The following POMP variants were observed in gnomAD, a reference collection of about 807,000 sequenced individuals.
POMP encodes proteasome maturation protein.
Under a neutral mutation model 20.6 loss-of-function variants are expected in POMP, and 12 were observed. That is an observed-to-expected ratio of 0.58 (90% CI 0.37 to 0.94). The LOEUF (loss-of-function observed/expected upper bound fraction) is 0.94, where lower values mean the gene tolerates loss of function less well. POMP is among the 40% of genes least tolerant of loss of function. POMP has a pLI of 0.01. For synonymous variants in POMP, 53 were observed against 55.0 expected, an observed-to-expected ratio of 0.96 and a Z score of 0.16; for missense variants, 136 against 161.1, an observed-to-expected ratio of 0.84 and a Z score of 0.84.
At chr13:28,666,424 T>C (rs1006890199) in intron 3 of POMP, among the ~76,000 whole-genome samples, 2 of 152,240 alleles carry the variant, frequency 1.3e-5, no homozygotes, top group African/African-American at 2.4e-5. Flanking sequence ...GCAATACATA[T>C]TAAGAGAAAC....
intron 4 of POMP, among the ~76,000 whole-genome samples, chr13:28,671,609 T>C (rs1344743923): frequency 2.6e-5 from 4 of 152,134 alleles, no homozygotes; most frequent in African/African-American, 9.7e-5. Flanking sequence ...GTTCCTATTT[T>C]TGTTTCTTCC....
In POMP at chr13:28,664,544, A is replaced by G; in HGVS notation, c.137A>G (p.His46Arg). The G allele has an allele frequency of 6.3e-7, 1 of 1,575,346 alleles. No homozygotes were observed. The highest frequency in any genetic ancestry group is 8.7e-7 in the Non-Finnish European group (1 of 1,146,924). Residue 46 changes from histidine to arginine, a missense_variant, in exon 3 of 6, where the codon CAT becomes CGT. His to Arg is a conservative substitution (Grantham distance 29, BLOSUM62 0). Transcript: ENST00000380842. ...SCVKNELLPSHPLELSEKNFQ... is the reference protein window; with the variant it reads ...SCVKNELLPSRPLELSEKNFQ... ...GTGAAAAATGAACTTTTGCCTAGTC[A>G]TCCCCTTGAATTATCAGAAAAAAAT...
Position 28,659,727 on chromosome 13 carries a change from T to C in POMP, c.3+540T>C, listed in dbSNP as rs570425635. 5 of 155,144 alleles carry C rather than the reference T, an allele frequency of 3.2e-5. No homozygotes were observed. The South Asian group carries it at 9.2e-4, about 28-fold the overall frequency. 9.6% of individuals were successfully genotyped at this position (155,144 alleles called of 1,614,324 possible). ...GTGCTAGATGTTAGAGGGGAAAAAA[T>C]CAGACAGTTGCTATTCCCTGTTTGC... is the stretch of plus-strand genomic sequence containing the variant. On this transcript the variant is annotated intron_variant, in intron 1 of 5. Coordinates refer to ENST00000380842, the MANE Select transcript of POMP (RefSeq NM_015932.6).
At chr13:28,677,925 C>G in intron 5 of POMP, 110 bp from the exon 6 acceptor site, 1 of 1,155,754 alleles carries the variant, frequency 8.7e-7, no homozygotes, top group Non-Finnish European at 1.3e-6. Flanking sequence ...GGTTTGTTTT[C>G]TATAACTTTA....
At chr13:28,676,830 G>A (rs1005929013) in intron 5 of POMP, among the ~76,000 whole-genome samples, 1 of 152,172 alleles carries the variant, frequency 6.6e-6, no homozygotes, top group Non-Finnish European at 1.5e-5. Context: ...TGGAAGATGA[G>A]TAAATGGAAG....
At chr13:28,670,595 T>C (rs1343682055) in intron 4 of POMP, among the ~76,000 whole-genome samples, 2 of 152,246 alleles carry the variant, frequency 1.3e-5, no homozygotes, top group Non-Finnish European at 2.9e-5. Context: ...TGTGGCTCTG[T>C]CCATGAATTG....
intron 3 of POMP, among the ~76,000 whole-genome samples, chr13:28,666,786 T>G (rs1014688315): frequency 1.3e-5 from 2 of 152,220 alleles, no homozygotes; most frequent in Admixed American, 6.5e-5. Flanking sequence ...TGATGGAAGA[T>G]GGCCATCATC....
chr13:28,671,250 A>G (rs1884540442), intron 4 of POMP, among the ~76,000 whole-genome samples: 1 of 152,174 alleles, frequency 6.6e-6, no homozygotes, highest in Non-Finnish European at 1.5e-5. Flanking sequence ...AGATTTTTTA[A>G]TTTAATGTGA....
At chr13:28,673,150 A>C (rs1884579916) in intron 5 of POMP, among the ~76,000 whole-genome samples, 1 of 149,854 alleles carries the variant, frequency 6.7e-6, no homozygotes, top group African/African-American at 2.5e-5. Context: ...AGCTCACTGC[A>C]ACTTCCGCCT....
intron 3 of POMP, among the ~76,000 whole-genome samples, chr13:28,667,525 G>C (rs909763731): frequency 6.6e-6 from 1 of 152,212 alleles, no homozygotes; most frequent in African/African-American, 2.4e-5. Flanking sequence ...AAAATTTGCT[G>C]TGTAAAGCTA....
rs2511248 is a variant in POMP at position 28,678,264 on chromosome 13, T to C, written c.*162T>C. 0.014 allele frequency: 10,120 copies of C among 700,236 alleles called. 694 individuals carry two copies. The African/African-American group carries it at 0.15, about 10-fold the overall frequency. 43.4% of individuals were successfully genotyped at this position (700,236 alleles called of 1,614,324 possible). A position where few individuals can be genotyped will look rare whatever the true frequency, so the allele number is the denominator to read the frequency against. ...TGGAGGGGTCTTTGGTTTACAGCCA[T>C]GTGACAATTAAAAGCACTAAAGGGA... On this transcript the variant is annotated 3_prime_UTR_variant, in exon 6 of 6. Transcript: ENST00000380842.
chr13:28,659,665 C>G (rs1884299977), intron 1 of POMP, among the ~76,000 whole-genome samples: 1 of 152,196 alleles, frequency 6.6e-6, no homozygotes, highest in African/African-American at 2.4e-5. Context: ...TTGTGTAACG[C>G]AGCTTTGCTC....
At chr13:28,670,812 C>T (rs900138823) in intron 4 of POMP, among the ~76,000 whole-genome samples, 11 of 151,500 alleles carry the variant, frequency 7.3e-5, no homozygotes, top group African/African-American at 2.2e-4. Context: ...TTTGGGAGGC[C>T]GAGGCAGATG....
chr13:28,674,096 A>T (rs1771187), intron 5 of POMP, among the ~76,000 whole-genome samples: 1 of 152,320 alleles, frequency 6.6e-6, no homozygotes, highest in Admixed American at 6.5e-5. Flanking sequence ...TGTTCAGGGT[A>T]TGTAACCTGA....
intron 1 of POMP, among the ~76,000 whole-genome samples, chr13:28,660,659 G>C (rs1884321618): frequency 6.6e-6 from 1 of 152,226 alleles, no homozygotes. Context: ...TTTGCTGGCA[G>C]TCACAAAGTA....
intron 4 of POMP, among the ~76,000 whole-genome samples, chr13:28,672,020 A>G (rs1754992): frequency 0.044 from 6,766 of 152,250 alleles, 506 homozygotes; most frequent in African/African-American, 0.15. Context: ...TGTATCAGGA[A>G]TGAGGCGTGA....
chr13:28,677,861 GT>G lies in POMP; in HGVS notation c.359-172del, dbSNP rs199708066. ...TAGAATGTTTTCATTGCCTCACAAA[GT>G]TCCCTTGGTCCCTTTTCAGTCAGTC... On this transcript the variant is annotated intron_variant, in intron 5 of 5. Transcript: ENST00000380842. Among the ~76,000 whole-genome samples the G allele has an allele frequency of 3.3e-3, 508 of 152,206 alleles. 4 individuals carry two copies. The highest frequency in any genetic ancestry group is 0.012 in the African/African-American group (484 of 41,532).
intron 1 of POMP, among the ~76,000 whole-genome samples, chr13:28,659,490 G>T (rs868402967): frequency 4.6e-5 from 7 of 152,206 alleles, no homozygotes; most frequent in African/African-American, 1.7e-4. Flanking sequence ...ACTTGGCGCA[G>T]AAGTGGAAAA....
intron 1 of POMP, among the ~76,000 whole-genome samples, chr13:28,660,225 C>A (rs1884309825): frequency 6.6e-6 from 1 of 152,232 alleles, no homozygotes; most frequent in South Asian, 2.1e-4. Context: ...CACATCTCTG[C>A]TGAAGGTCCC....
Sources: allele counts gnomAD v4.1 joint callset (sites outside exome capture counted in the v4.1 genomes callset), GRCh38; gene constraint gnomAD v4.1.1; transcripts MANE v1.5; gene names NCBI Gene and HGNC (gene_info 2026-07-23, HGNC 2026-07-21).